Variants in CLEC4D observed in about 807,000 individuals in gnomAD.
The protein encoded by CLEC4D is C-type lectin domain family 4 member D, also known as C-type (calcium dependent, carbohydrate-recognition domain) lectin, superfamily member 8.
A neutral mutation model predicts 21.1 loss-of-function variants in CLEC4D; 21 were observed. That is an observed-to-expected ratio of 1.00 (90% CI 0.71 to 1.43). The LOEUF (loss-of-function observed/expected upper bound fraction) is 1.43. CLEC4D is among the 40% of genes most tolerant of loss of function. CLEC4D has a pLI of 0.00. For synonymous variants in CLEC4D, 85 were observed against 83.1 expected, an observed-to-expected ratio of 1.02 and a Z score of -0.12; for missense variants, 289 against 260.7, an observed-to-expected ratio of 1.11 and a Z score of -0.75.
chr12:8,521,713 G>T lies in CLEC4D; in HGVS notation c.*442G>T, dbSNP rs6487220. On this transcript the variant is annotated 3_prime_UTR_variant, in exon 6 of 6. Transcript: ENST00000299665. ...AATATTGCAAGCACTTTAAAGATTT[G>T]AAACCACATTTTTATTGTTTGATGT... The T allele has an allele frequency of 0.071, 10,917 of 153,538 alleles. 763 individuals carry two copies. Among genetic ancestry groups the T allele is most frequent in the African/African-American group, 0.18 (7,587 of 41,476 alleles). 9.5% of individuals were successfully genotyped at this position (153,538 alleles called of 1,614,324 possible). A position where few individuals can be genotyped will look rare whatever the true frequency, so the allele number is the denominator to read the frequency against.
downstream of CLEC4D, among the ~76,000 whole-genome samples, chr12:8,525,821 G>A (rs1243713402): frequency 2.6e-5 from 4 of 152,088 alleles, no homozygotes; most frequent in African/African-American, 4.8e-5. Flanking sequence ...GCAGTGGCTG[G>A]TACCAGTTTT....
At chr12:8,519,495 C>T (rs1046763201) in intron 4 of CLEC4D, among the ~76,000 whole-genome samples, 1 of 152,204 alleles carries the variant, frequency 6.6e-6, no homozygotes, top group Admixed American at 6.5e-5. Context: ...ACTGCTCCAT[C>T]TCTTCCAGTG....
At chr12:8,529,442 C>T in the CLEC4D span, among the ~76,000 whole-genome samples, 1 of 152,118 alleles carries the variant, frequency 6.6e-6, no homozygotes, top group Non-Finnish European at 1.5e-5. Flanking sequence ...AAGTGAGACC[C>T]TGTCTCTACA....
rs1444827822 is a variant in CLEC4D at position 8,514,401 on chromosome 12, C to T, written c.28+641C>T. Among the ~76,000 whole-genome samples the T allele has an allele frequency of 2.0e-5, 3 of 151,946 alleles. No individual in the cohort carries two copies. In the South Asian group the frequency reaches 6.2e-4, roughly 31 times the overall value. Reference sequence around the variant, plus strand: ...GTGAAGGGACCATAATTTAGAATTTCCACTATTGATAATATACATGTAAAT... The same window carrying T: ...GTGAAGGGACCATAATTTAGAATTTTCACTATTGATAATATACATGTAAAT... On this transcript the variant is annotated intron_variant, in intron 1 of 5. Transcript: ENST00000299665.
chr12:8,529,583 C>T, the CLEC4D span, among the ~76,000 whole-genome samples: 1 of 151,954 alleles, frequency 6.6e-6, no homozygotes, highest in Non-Finnish European at 1.5e-5. Context: ...GCCACTGTAC[C>T]CTGGCCTGGG....
chr12:8,528,840 T>G, the CLEC4D span, among the ~76,000 whole-genome samples: 1 of 151,616 alleles, frequency 6.6e-6, no homozygotes, highest in Non-Finnish European at 1.5e-5. Flanking sequence ...GTACTACATA[T>G]AAAGTGTATA....
chr12:8,522,796 C>T (rs1445807116), downstream of CLEC4D, among the ~76,000 whole-genome samples: 3 of 152,080 alleles, frequency 2.0e-5, no homozygotes, highest in African/African-American at 7.2e-5. Flanking sequence ...AATGGTATTA[C>T]CTAGGTTTTC....
At position 8,519,148 on chromosome 12, in the gene CLEC4D, G is replaced by A. The variant is rs755031121; in HGVS notation, c.372G>A (p.Thr124=). The stretch of plus-strand genomic sequence containing the variant: ...GGGCCCATCTGATGACCATCAGCAC[G>A]GAAGCTGAGCAGGTGTGTTGGGAGG... ...GMGAHLMTIS[T]EAEQNFIIQF... is the part of the protein sequence containing the mutation. Residue 124 remains threonine (T), a synonymous_variant, in exon 4 of 6, where the codon ACG becomes ACA. Coordinates refer to ENST00000299665, the MANE Select transcript of CLEC4D (RefSeq NM_080387.5). 21 of 1,613,698 alleles carry A rather than the reference G, an allele frequency of 1.3e-5. No individual in the cohort carries two copies. Among genetic ancestry groups the A allele is most frequent in the Middle Eastern group, 1.7e-4 (1 of 6,058 alleles).
intron 1 of CLEC4D, 151 bp downstream of exon 1, chr12:8,513,911 A>G: frequency 3.7e-6 from 2 of 547,508 alleles, no homozygotes; most frequent in Non-Finnish European, 6.6e-6. Context: ...AAGAGGAAGG[A>G]CATAGAGTCA....
chr12:8,525,530 C>G (rs747760435), downstream of CLEC4D, among the ~76,000 whole-genome samples: 2 of 151,948 alleles, frequency 1.3e-5, no homozygotes, highest in Admixed American at 1.3e-4. Context: ...CGTTTCTTTC[C>G]ATTTGCTTGG....
downstream of CLEC4D, among the ~76,000 whole-genome samples, chr12:8,523,441 T>C (rs114419955): frequency 0.013 from 2,053 of 152,270 alleles, 49 homozygotes; most frequent in African/African-American, 0.046. Context: ...TCCTAGGTAT[T>C]CTATTCTCAT....
chr12:8,519,240 T>C, intron 4 of CLEC4D, 80 bp downstream of exon 4: 1 of 1,499,682 alleles, frequency 6.7e-7, no homozygotes, highest in South Asian at 1.4e-5. Context: ...TGTCCTGTTA[T>C]GCCTCTGTCT....
Position 8,520,309 on chromosome 12 carries a change from G to C in CLEC4D, c.468G>C (p.Trp156Cys), listed in dbSNP as rs202234985. The C allele has an allele frequency of 1.9e-6, 3 of 1,613,958 alleles. No individual in the cohort carries two copies. Among genetic ancestry groups the C allele is most frequent in the African/African-American group, 2.7e-5 (2 of 75,040 alleles). The stretch of plus-strand genomic sequence containing the variant: ...AGAATGCCAAAGGTCAGTGGCGTTG[G>C]GTGGACCAGACGCCATTTAACCCAC... ...RDENAKGQWR[W>C]VDQTPFNPRR... is the part of the protein sequence containing the mutation. The change falls in exon 5 of 6, where the codon TGG becomes TGC. Residue 156 changes from tryptophan to cysteine, a missense_variant. Trp to Cys is a radical substitution (Grantham distance 215). Transcript: ENST00000299665.
intron 2 of CLEC4D, among the ~76,000 whole-genome samples, chr12:8,516,084 T>C (rs1206553999): frequency 3.9e-5 from 6 of 152,136 alleles, no homozygotes; most frequent in Non-Finnish European, 8.8e-5. Context: ...AAAGATGAAA[T>C]TGGTCTCCTG....
At chr12:8,523,286 G>T (rs1257686429), downstream of CLEC4D, among the ~76,000 whole-genome samples, 2 of 152,116 alleles carry the variant, frequency 1.3e-5, no homozygotes, top group Non-Finnish European at 2.9e-5. Context: ...ATTGCTCTGG[G>T]CAGTATGACC....
chr12:8,525,592 A>G (rs1424572432), downstream of CLEC4D, among the ~76,000 whole-genome samples: 1 of 152,126 alleles, frequency 6.6e-6, no homozygotes, highest in Non-Finnish European at 1.5e-5. Flanking sequence ...TTTGCATGTA[A>G]GATGGGTCGC....
downstream of CLEC4D, among the ~76,000 whole-genome samples, chr12:8,527,034 A>G (rs1413320568): frequency 6.6e-6 from 1 of 152,130 alleles, no homozygotes; most frequent in Non-Finnish European, 1.5e-5. Flanking sequence ...ATGTCACTCA[A>G]GGAGGCTGGA....
intron 2 of CLEC4D, among the ~76,000 whole-genome samples, chr12:8,517,619 T>G (rs1480228520): frequency 1.3e-5 from 2 of 152,114 alleles, no homozygotes; most frequent in Non-Finnish European, 2.9e-5. Flanking sequence ...CTTGCAAGCA[T>G]GTGCACATAA....
In CLEC4D at chr12:8,518,186, C is replaced by A. The variant is rs181002428; in HGVS notation, c.144C>A (p.Arg48=). 1 of 1,346,166 alleles carries A rather than the reference C, an allele frequency of 7.4e-7. No homozygotes were observed. Among genetic ancestry groups the A allele is most frequent in the Non-Finnish European group, 1.1e-6 (1 of 935,888 alleles). 83.4% of individuals were successfully genotyped at this position (1,346,166 alleles called of 1,614,324 possible). The part of the protein sequence containing the change: ...SCLVTHHNFS[R]CKRGTGVHKL... The stretch of plus-strand genomic sequence containing the variant: ...CAGTGACTCATCACAACTTTTCACG[C>A]TGTAAGAGAGGCACAGGAGTGCACA... Residue 48 remains arginine, a synonymous_variant, in exon 3 of 6, where the codon CGC becomes CGA. Coordinates refer to ENST00000299665, the MANE Select transcript of CLEC4D (RefSeq NM_080387.5).
Sources: allele counts gnomAD v4.1 joint callset (sites outside exome capture counted in the v4.1 genomes callset), GRCh38; gene constraint gnomAD v4.1.1; transcripts MANE v1.5; gene names NCBI Gene and HGNC (gene_info 2026-07-23, HGNC 2026-07-21).